ROBO2: variants seen among roughly 807,000 people sequenced by gnomAD.
ROBO2 encodes the protein roundabout guidance receptor 2, also known as roundabout homolog 2.
ROBO2 carries 53 observed loss-of-function variants against 160.8 expected under a neutral mutation model. That is an observed-to-expected ratio of 0.33 (90% confidence interval 0.26 to 0.41). The LOEUF is 0.41. Ranked by LOEUF, ROBO2 falls within the 10% of genes least tolerant of loss-of-function variation. The pLI, the probability that ROBO2 is intolerant of heterozygous loss-of-function variation, is 1.00. For missense variants in ROBO2, 1,577 were observed against 1,722.4 expected (o/e 0.92, Z 1.49); for synonymous variants, 664 against 611.7 (o/e 1.09, Z -1.26).
intron 2 of ROBO2, among the ~76,000 whole-genome samples, chr3:76,996,824 T>C (rs771556979): frequency 6.6e-6 from 1 of 152,136 alleles, no homozygotes; most frequent in Non-Finnish European, 1.5e-5. Flanking sequence ...TTATTCTATT[T>C]TGGTGGCTTC....
intron 2 of ROBO2, among the ~76,000 whole-genome samples, chr3:76,414,174 G>A (rs1559908618): frequency 6.6e-6 from 1 of 152,128 alleles, no homozygotes. Flanking sequence ...TCACAACATG[G>A]GGAATTCTGG....
intron 2 of ROBO2, among the ~76,000 whole-genome samples, chr3:76,517,041 T>A (rs72902508): frequency 2.0e-5 from 3 of 152,148 alleles, no homozygotes; most frequent in African/African-American, 7.2e-5. Context: ...ATCTAGGTAG[T>A]TTTGAAAGAA....
At chr3:77,359,050 G>C (rs887871994) in intron 2 of ROBO2, among the ~76,000 whole-genome samples, 1 of 152,222 alleles carries the variant, frequency 6.6e-6, no homozygotes, top group Non-Finnish European at 1.5e-5. Context: ...CATGTGAAAT[G>C]ATTAGCTCTC....
intron 2 of ROBO2, among the ~76,000 whole-genome samples, chr3:76,687,991 G>A (rs2092719590): frequency 6.6e-6 from 1 of 152,004 alleles, no homozygotes; most frequent in Admixed American, 6.6e-5. Context: ...AATCTCTACT[G>A]AAAATATGAA....
In ROBO2 at chr3:75,920,853, CT is replaced by C. The variant is rs139241289; in HGVS notation, c.-14+13903del. Among the ~76,000 whole-genome samples, 797 of 148,866 alleles carry C rather than the reference CT, an allele frequency of 5.4e-3. 37 individuals are homozygous for C. The East Asian group carries it at 0.12, about 22-fold the overall frequency. On this transcript the variant is annotated intron_variant, in intron 1 of 26. Transcript: ENST00000487694. ...TTAGAGACTAGGATTGAAACCCCTG[CT>C]TTTTTTTTTCTTTCTTTCCATTTGC...
chr3:77,122,689 G>C (rs1047417690), intron 2 of ROBO2, among the ~76,000 whole-genome samples: 1 of 152,120 alleles, frequency 6.6e-6, no homozygotes, highest in African/African-American at 2.4e-5. Context: ...ATGAACCAAT[G>C]ATGCCTCACC....
intron 2 of ROBO2, among the ~76,000 whole-genome samples, chr3:77,444,951 A>G (rs1260175224): frequency 1.3e-5 from 2 of 152,180 alleles, no homozygotes; most frequent in Non-Finnish European, 1.5e-5. Context: ...CGTGTCTACA[A>G]TGCATTCCAG....
At chr3:76,692,428 G>A (rs2092822564) in intron 2 of ROBO2, among the ~76,000 whole-genome samples, 1 of 152,098 alleles carries the variant, frequency 6.6e-6, no homozygotes, top group Non-Finnish European at 1.5e-5. Flanking sequence ...TGACTCCCAA[G>A]GCTTAGTCTG....
chr3:76,014,237 CACGGTGG>C (rs1194397369), intron 2 of ROBO2, among the ~76,000 whole-genome samples: 7 of 128,132 alleles, frequency 5.5e-5, no homozygotes, highest in Non-Finnish European at 8.5e-5. Context: ...TGACGGCTGG[CACGGTGG>C]CTTATGCGTG....
At chr3:76,436,159 A>AACACACACACACACACACACACAC (rs3065704) in intron 2 of ROBO2, among the ~76,000 whole-genome samples, 29,768 of 139,756 alleles carry the variant, frequency 0.21, 3,581 homozygotes, top group Middle Eastern at 0.28. Context: ...TTAAAAGGAA[A>AACACACACACACACACACACACAC]ACACACACAC....
intron 2 of ROBO2, among the ~76,000 whole-genome samples, chr3:76,355,677 A>G (rs1243055769): frequency 6.6e-6 from 1 of 151,850 alleles, no homozygotes; most frequent in Non-Finnish European, 1.5e-5. Flanking sequence ...CTGGATAAAT[A>G]AAAAATTCTT....
At chr3:77,048,265 T>A (rs1416127176) in intron 1 of ROBO2, among the ~76,000 whole-genome samples, 1 of 152,136 alleles carries the variant, frequency 6.6e-6, no homozygotes, top group Non-Finnish European at 1.5e-5. Context: ...CAGCTGTGAG[T>A]CTTCAGGTGA....
chr3:77,642,815 C>G (rs1269970111), intron 24 of ROBO2: 1 of 456,686 alleles, frequency 2.2e-6, no homozygotes, highest in Admixed American at 2.3e-5. Flanking sequence ...TTAGAAGACA[C>G]AAAGAGCTCA....
rs143192858 is a variant in ROBO2 at position 76,988,747 on chromosome 3, A to G, written c.110-109267A>G. 4.3e-3 allele frequency among the ~76,000 whole-genome samples: 647 copies of G among 152,210 alleles called. 6 individuals are homozygous for G. Among genetic ancestry groups the G allele is most frequent in the Non-Finnish European group, 3.3e-3 (222 of 67,984 alleles). On this transcript the variant is annotated intron_variant, in intron 2 of 26. Coordinates refer to the ROBO2 transcript ENST00000487694. ...ATGCCTCTGATCCTTTGCTCTGAAAACAAAGCCTAAAACAACTTCCTTTCT... is the reference window on the plus strand; with the variant it reads ...ATGCCTCTGATCCTTTGCTCTGAAAGCAAAGCCTAAAACAACTTCCTTTCT...
At chr3:76,811,717 A>G (rs1010509266) in intron 2 of ROBO2, among the ~76,000 whole-genome samples, 2 of 151,876 alleles carry the variant, frequency 1.3e-5, no homozygotes, top group African/African-American at 4.8e-5. Flanking sequence ...CTTCATGCCT[A>G]TATCTCATCT....
chr3:77,590,176 T>G (rs2153684445), intron 17 of ROBO2, among the ~76,000 whole-genome samples: 1 of 152,262 alleles, frequency 6.6e-6, no homozygotes, highest in East Asian at 1.9e-4. Context: ...ATTTATTAGT[T>G]ACTTGTTAGA....
chr3:77,409,009 C>T (rs1238012426), intron 2 of ROBO2, among the ~76,000 whole-genome samples: 2 of 151,618 alleles, frequency 1.3e-5, no homozygotes, highest in South Asian at 2.1e-4. Flanking sequence ...GCTGAAATTA[C>T]AGGTGTGAGC....
chr3:77,367,773 C>G (rs2071131439), intron 2 of ROBO2, among the ~76,000 whole-genome samples: 1 of 152,078 alleles, frequency 6.6e-6, no homozygotes, highest in African/African-American at 2.4e-5. Context: ...TGGGATTCTG[C>G]TATAATGTTA....
At chr3:77,611,574 T>G (rs1321258329) in intron 21 of ROBO2, among the ~76,000 whole-genome samples, 1 of 152,160 alleles carries the variant, frequency 6.6e-6, no homozygotes. Flanking sequence ...ACCCAGCTAA[T>G]GGTAATCATC....
Sources: allele counts gnomAD v4.1 joint callset (sites outside exome capture counted in the v4.1 genomes callset), GRCh38; gene constraint gnomAD v4.1.1; transcripts MANE v1.5; gene names NCBI Gene and HGNC (gene_info 2026-07-23, HGNC 2026-07-21).